Variants in RADX observed in about 807,000 individuals in gnomAD.
The protein encoded by RADX is RPA1 related single stranded DNA binding protein, X-linked, also known as RPA-related protein RADX.
Under a neutral mutation model 61.6 loss-of-function variants are expected in RADX, and 36 were observed. The observed-to-expected ratio is 0.58, with a 90% CI of 0.45 to 0.77. The LOEUF (loss-of-function observed/expected upper bound fraction) is 0.77, where lower values mean the gene tolerates loss of function less well. Ranked by LOEUF, RADX falls within the 30% of genes least tolerant of loss-of-function variation. The pLI, the probability that RADX is intolerant of heterozygous loss-of-function variation, is 0.00. For synonymous variants in RADX, 272 were observed against 237.9 expected, an observed-to-expected ratio of 1.14 and a Z score of -1.32; for missense variants, 497 against 651.1, an observed-to-expected ratio of 0.76 and a Z score of 2.58.
chrX:106,668,061 TACCA>T (rs1392991456), intron 12 of RADX, among the ~76,000 whole-genome samples: 57 of 111,916 alleles, frequency 5.1e-4, no homozygotes, highest in African/African-American at 1.8e-3. Flanking sequence ...AATTTATGGC[TACCA>T]AATTTTAGTA....
At chrX:106,665,013 C>A (rs899114766) in intron 12 of RADX, among the ~76,000 whole-genome samples, 2 of 111,728 alleles carry the variant, frequency 1.8e-5, no homozygotes, top group African/African-American at 6.5e-5. Context: ...TCAAGTACTA[C>A]TTAGAATGAG....
rs768026639 is a variant in RADX at position 106,632,643 on chromosome X, G to A, written c.998G>A (p.Arg333Gln). 1.0e-5 allele frequency: 12 copies of A among 1,191,104 alleles called. No homozygotes were observed. In the Admixed American group the frequency reaches 1.1e-4, roughly 11 times the overall value. The change falls in exon 4 of 14, where the codon CGA (arginine) becomes CAA (glutamine). Residue 333 changes from arginine to glutamine, a missense_variant. By Grantham distance (43) the Arg-to-Gln change is conservative. Coordinates refer to ENST00000372548, the MANE Select transcript of RADX (RefSeq NM_018015.6). The stretch of plus-strand genomic sequence containing the variant: ...TTTTCAGAAATCTGCCTGAATCTTC[G>A]AGATCCCCCAACAAATATAATTATC... ...ISTMEICLNLRDPPTNIIIIP... is the reference protein window; with the variant it reads ...ISTMEICLNLQDPPTNIIIIP...
chrX:106,616,293 G>T (rs894785897), intron 1 of RADX, among the ~76,000 whole-genome samples: 1 of 111,377 alleles, frequency 9.0e-6, no homozygotes. Flanking sequence ...TCATGTTTGT[G>T]TGTTCACCTT....
intron 12 of RADX, among the ~76,000 whole-genome samples, chrX:106,667,106 T>G (rs762997247): frequency 9.0e-6 from 1 of 111,534 alleles, no homozygotes; most frequent in Non-Finnish European, 1.9e-5. Flanking sequence ...TGATAAGTGC[T>G]AAGAAAAACA....
intron 6 of RADX, among the ~76,000 whole-genome samples, chrX:106,634,614 T>G (rs1368897998): frequency 1.8e-5 from 2 of 111,465 alleles, no homozygotes; most frequent in African/African-American, 6.5e-5. Context: ...TTTAAAAATA[T>G]ATCTGAATAG....
chrX:106,653,584 C>T (rs997110747), intron 11 of RADX, among the ~76,000 whole-genome samples: 2 of 108,705 alleles, frequency 1.8e-5, no homozygotes, highest in African/African-American at 3.3e-5. Context: ...ATTTGCAGAA[C>T]GTGCAGGTTT....
intron 13 of RADX, among the ~76,000 whole-genome samples, chrX:106,672,227 C>T (rs1190438375): frequency 1.8e-5 from 2 of 111,673 alleles, no homozygotes; most frequent in African/African-American, 6.5e-5. Context: ...CAACCATCAC[C>T]ACTATTCATT....
At chrX:106,655,497 C>T (rs780571617) in intron 11 of RADX, among the ~76,000 whole-genome samples, 55 of 108,476 alleles carry the variant, frequency 5.1e-4, no homozygotes, top group Non-Finnish European at 1.0e-3. Flanking sequence ...CCCCCACCGC[C>T]CACCCCATGA....
chrX:106,648,184 C>A, intron 10 of RADX, 129 bp from the exon 11 acceptor site: 1 of 384,518 alleles, frequency 2.6e-6, no homozygotes, highest in South Asian at 7.5e-5. Context: ...ATGTATTATT[C>A]AACAAACTTA....
chrX:106,629,683 CT>C (rs1302736395), intron 3 of RADX, among the ~76,000 whole-genome samples: 2 of 111,352 alleles, frequency 1.8e-5, no homozygotes, highest in Non-Finnish European at 3.8e-5. Context: ...TCATATTTTG[CT>C]TCCAATATAA....
intron 2 of RADX, 88 bp downstream of exon 2, chrX:106,622,881 T>G (rs1357109073): frequency 4.3e-6 from 2 of 461,065 alleles, no homozygotes; most frequent in Non-Finnish European, 6.8e-6. Context: ...ACCTGTTCGT[T>G]TAAATAACAT....
intron 6 of RADX, among the ~76,000 whole-genome samples, chrX:106,634,636 A>T (rs1032587086): frequency 2.7e-5 from 3 of 111,138 alleles, no homozygotes; most frequent in African/African-American, 9.8e-5. Flanking sequence ...ACCAAACCTC[A>T]CCCCAATTTA....
intron 10 of RADX, among the ~76,000 whole-genome samples, chrX:106,643,702 TTGATA>T (rs1927585423): frequency 9.0e-6 from 1 of 111,613 alleles, no homozygotes; most frequent in African/African-American, 3.2e-5. Flanking sequence ...CTTTAATCTG[TTGATA>T]TGATATATCA....
At chrX:106,640,426 C>A in intron 9 of RADX, 126 bp from the exon 10 acceptor site, 1 of 434,436 alleles carries the variant, frequency 2.3e-6, no homozygotes, top group Non-Finnish European at 4.0e-6. Flanking sequence ...CATAAAAGCA[C>A]TGTTATGATT....
chrX:106,642,008 A>T (rs941479264), intron 10 of RADX, among the ~76,000 whole-genome samples: 4 of 111,929 alleles, frequency 3.6e-5, no homozygotes, highest in African/African-American at 1.3e-4. Flanking sequence ...TTAAGATTTT[A>T]AAAATTCCAA....
intron 10 of RADX, among the ~76,000 whole-genome samples, chrX:106,641,016 T>G (rs974313764): frequency 9.0e-6 from 1 of 110,869 alleles, no homozygotes; most frequent in East Asian, 2.9e-4. Context: ...CCTTAACTTG[T>G]AGAAGCATCA....
chrX:106,664,700 T>C (rs1770690856), intron 12 of RADX, among the ~76,000 whole-genome samples: 1 of 109,708 alleles, frequency 9.1e-6, no homozygotes, highest in Non-Finnish European at 1.9e-5. Context: ...GTGATTCTCA[T>C]ACAGTCTCGG....
Position 106,657,055 on chromosome X carries a change from A to T in RADX, c.1979-4960A>T, listed in dbSNP as rs775820333. Among the ~76,000 whole-genome samples, 8 of 112,611 alleles carry T rather than the reference A, an allele frequency of 7.1e-5. No individual in the cohort carries two copies. In the Admixed American group the frequency reaches 7.5e-4, roughly 11 times the overall value. On this transcript the variant is annotated intron_variant, in intron 11 of 13. Transcript: ENST00000372548. ...TCTTCTTCCAATACAAAGCTATTTTATCTCCATTGAAAATCTGTTGTTCAG... is the reference window on the plus strand; with the variant it reads ...TCTTCTTCCAATACAAAGCTATTTTTTCTCCATTGAAAATCTGTTGTTCAG...
intron 13 of RADX, among the ~76,000 whole-genome samples, chrX:106,672,899 A>G (rs756496392): frequency 9.0e-6 from 1 of 111,500 alleles, no homozygotes; most frequent in Non-Finnish European, 1.9e-5. Flanking sequence ...GACCTCATCC[A>G]TGGCTATCAG....
Sources: gnomAD v4.1 joint callset for allele counts (sites outside exome capture counted in the v4.1 genomes callset) on GRCh38, gnomAD v4.1.1 for gene constraint, MANE v1.5 for transcripts, NCBI Gene and HGNC (gene_info 2026-07-23, HGNC 2026-07-21) for gene names.